Variants in TSHZ2 observed in about 807,000 individuals in gnomAD.
The protein encoded by TSHZ2 is teashirt zinc finger homeobox 2, also known as teashirt homolog 2.
Under a neutral mutation model 74.4 loss-of-function variants are expected in TSHZ2, and 21 were observed. The ratio of observed to expected loss-of-function variants is 0.28; its 90% CI spans 0.20 to 0.41. The LOEUF is 0.41. Ranked by LOEUF, TSHZ2 falls within the 10% of genes least tolerant of loss-of-function variation. The pLI is 1.00. For missense variants in TSHZ2, 1,244 were observed against 1,293.5 expected (o/e 0.96, Z 0.59); for synonymous variants, 540 against 515.3 (o/e 1.05, Z -0.65).
chr20:53,482,257 GA>G (rs1986173409), intron 2 of TSHZ2, among the ~76,000 whole-genome samples: 1 of 151,686 alleles, frequency 6.6e-6, no homozygotes, highest in African/African-American at 2.4e-5. Context: ...GAAGAGACAA[GA>G]ATGACCACAG....
chr20:53,416,667 CT>C, intron 2 of TSHZ2, among the ~76,000 whole-genome samples: 1 of 152,182 alleles, frequency 6.6e-6, no homozygotes. Context: ...ACCATTTGAC[CT>C]TTTAAGAAAC....
At chr20:53,072,059 G>A (rs1457692719) in intron 1 of TSHZ2, among the ~76,000 whole-genome samples, 1 of 152,220 alleles carries the variant, frequency 6.6e-6, no homozygotes, top group Non-Finnish European at 1.5e-5. Flanking sequence ...CCCCACAGCA[G>A]AGAATCACCT....
chr20:53,023,492 A>T (rs1568724028), intron 1 of TSHZ2, among the ~76,000 whole-genome samples: 1 of 152,202 alleles, frequency 6.6e-6, no homozygotes, highest in African/African-American at 2.4e-5. Context: ...TTTAGCCTCT[A>T]CGCAGGAGTA....
intron 2 of TSHZ2, among the ~76,000 whole-genome samples, chr20:53,360,930 G>A (rs182094742): frequency 1.1e-4 from 16 of 152,260 alleles, no homozygotes; most frequent in South Asian, 4.2e-4. Flanking sequence ...ATGGTTTCTC[G>A]CACAGCAGGA....
intron 1 of TSHZ2, among the ~76,000 whole-genome samples, chr20:53,035,617 T>A (rs922389302): frequency 6.6e-6 from 1 of 152,238 alleles, no homozygotes; most frequent in African/African-American, 2.4e-5. Flanking sequence ...TATTGATTTA[T>A]TTATTCAACT....
chr20:53,201,452 T>C (rs1288903297), intron 1 of TSHZ2, among the ~76,000 whole-genome samples: 1 of 152,174 alleles, frequency 6.6e-6, no homozygotes, highest in Non-Finnish European at 1.5e-5. Flanking sequence ...TGCTGTCGTA[T>C]CACCTTCCCT....
intron 2 of TSHZ2, among the ~76,000 whole-genome samples, chr20:53,329,854 A>G (rs1979651693): frequency 6.6e-6 from 1 of 152,226 alleles, no homozygotes; most frequent in African/African-American, 2.4e-5. Context: ...GGACAGAGCC[A>G]GGCCAATGTT....
intron 1 of TSHZ2, among the ~76,000 whole-genome samples, chr20:53,085,292 G>A (rs1268728158): frequency 6.6e-6 from 1 of 152,106 alleles, no homozygotes; most frequent in Non-Finnish European, 1.5e-5. Flanking sequence ...TTGAATCCAG[G>A]GGGCGGAGGT....
chr20:52,990,184 G>C (rs80233738), intron 1 of TSHZ2, among the ~76,000 whole-genome samples: 1 of 151,862 alleles, frequency 6.6e-6, no homozygotes, highest in Non-Finnish European at 1.5e-5. Flanking sequence ...ACTGGATGTA[G>C]TAAGAAAATC....
intron 1 of TSHZ2, among the ~76,000 whole-genome samples, chr20:53,038,883 GT>G (rs773887640): frequency 1.7e-3 from 114 of 66,506 alleles, no homozygotes; most frequent in African/African-American, 6.4e-3. Flanking sequence ...TGTTTGTTTT[GT>G]TTTGTTTGTT....
In TSHZ2 at chr20:52,973,160, G is replaced by A. The variant is rs567279939; in HGVS notation, c.-134G>A. 2.6e-6 allele frequency: 3 copies of A among 1,168,938 alleles called. No individual in the cohort carries two copies. The African/African-American group carries it at 4.6e-5, about 18-fold the overall frequency. The allele number at this position is 1,168,938 out of a possible 1,614,324, so 72.4% of individuals were successfully genotyped here. A position where few individuals can be genotyped will look rare whatever the true frequency, so the allele number is the denominator to read the frequency against. ...GAGTTGCAGGGGGGATCGTCAGGGG[G>A]ACAGAGGCCGAGTGACGTCCTAGGA... On this transcript the variant is annotated 5_prime_UTR_variant, in exon 1 of 3. Coordinates refer to ENST00000371497, the MANE Select transcript of TSHZ2 (RefSeq NM_173485.6).
chr20:52,984,015 C>T (rs1294279681), intron 1 of TSHZ2, among the ~76,000 whole-genome samples: 1 of 152,214 alleles, frequency 6.6e-6, no homozygotes, highest in Non-Finnish European at 1.5e-5. Context: ...GCCTTCTTCA[C>T]TTTTTAATTG....
intron 2 of TSHZ2, among the ~76,000 whole-genome samples, chr20:53,446,491 A>G (rs1018065200): frequency 6.6e-6 from 1 of 150,508 alleles, no homozygotes; most frequent in African/African-American, 2.4e-5. Context: ...AGGCAGGAGA[A>G]TGGCGTGAAC....
At chr20:53,150,435 A>G (rs777555837) in intron 1 of TSHZ2, among the ~76,000 whole-genome samples, 19 of 152,226 alleles carry the variant, frequency 1.2e-4, no homozygotes, top group Admixed American at 6.5e-5. Flanking sequence ...GGCAAACTAG[A>G]AAGAATTTTC....
intron 1 of TSHZ2, chr20:53,098,084 T>C (rs1159579081): frequency 6.6e-6 from 1 of 152,252 alleles, no homozygotes; most frequent in Non-Finnish European, 1.5e-5. Flanking sequence ...ATTTGGAGTC[T>C]GGTAAACTCG....
At chr20:53,376,458 A>G (rs1457892760) in intron 2 of TSHZ2, among the ~76,000 whole-genome samples, 1 of 152,226 alleles carries the variant, frequency 6.6e-6, no homozygotes, top group Admixed American at 6.5e-5. Flanking sequence ...TGGGGCCTCA[A>G]GATAACAAAG....
intron 1 of TSHZ2, among the ~76,000 whole-genome samples, chr20:53,146,276 A>G (rs1158004404): frequency 6.6e-6 from 1 of 152,198 alleles, no homozygotes; most frequent in Non-Finnish European, 1.5e-5. Flanking sequence ...ATTTGGCATC[A>G]TGTAGCTAAA....
chr20:53,473,604 C>A (rs1291859812), intron 2 of TSHZ2, among the ~76,000 whole-genome samples: 1 of 147,026 alleles, frequency 6.8e-6, no homozygotes, highest in South Asian at 2.2e-4. Context: ...GAGCGCCTCT[C>A]CTCCTCCAAA....
At chr20:53,436,062 T>C (rs181454356) in intron 2 of TSHZ2, among the ~76,000 whole-genome samples, 69 of 152,332 alleles carry the variant, frequency 4.5e-4, no homozygotes, top group African/African-American at 1.6e-3. Flanking sequence ...TGATAACATA[T>C]TGTTATGATC....
Sources: allele counts gnomAD v4.1 joint callset (sites outside exome capture counted in the v4.1 genomes callset), GRCh38; gene constraint gnomAD v4.1.1; transcripts MANE v1.5; gene names NCBI Gene and HGNC (gene_info 2026-07-23, HGNC 2026-07-21).